Variants in SLC6A9 observed in about 807,000 individuals in gnomAD.
SLC6A9 encodes solute carrier family 6 member 9.
A neutral mutation model predicts 70.9 loss-of-function variants in SLC6A9; 31 were observed. The observed-to-expected ratio is 0.44, with a 90% CI of 0.33 to 0.59. The LOEUF (loss-of-function observed/expected upper bound fraction) is 0.59, where lower values mean the gene tolerates loss of function less well. Among genes scored for constraint, SLC6A9 ranks in the 20% least tolerant of loss-of-function variants. The probability of loss-of-function intolerance (pLI) is 0.04; values close to 1 mark genes in which losing one functional copy is unlikely to be tolerated. For synonymous variants in SLC6A9, 310 were observed against 341.3 expected (o/e 0.91, Z 1.01); for missense variants, 631 against 845.2 (o/e 0.75, Z 3.14).
chr1:44,017,862 G>A (rs1368804079), intron 2 of SLC6A9, among the ~76,000 whole-genome samples: 1 of 152,282 alleles, frequency 6.6e-6, no homozygotes, highest in Non-Finnish European at 1.5e-5. Flanking sequence ...TGTGGAATAA[G>A]AACCCGTGAG....
chr1:44,020,226 G>A (rs1377415724), intron 2 of SLC6A9, among the ~76,000 whole-genome samples: 1 of 152,232 alleles, frequency 6.6e-6, no homozygotes, highest in Non-Finnish European at 1.5e-5. Flanking sequence ...CACCTGCTGT[G>A]TGTGAGAACC....
chr1:44,023,974 T>C (rs1197608015), intron 2 of SLC6A9, among the ~76,000 whole-genome samples: 1 of 152,272 alleles, frequency 6.6e-6, no homozygotes, highest in African/African-American at 2.4e-5. Context: ...CCTCTCAGCA[T>C]ATGAGTGGCC....
chr1:44,024,011 C>A (rs926146549), intron 2 of SLC6A9, among the ~76,000 whole-genome samples: 8 of 152,202 alleles, frequency 5.3e-5, no homozygotes, highest in African/African-American at 1.9e-4. Context: ...ACCTCTGTGA[C>A]AAGGATGGGG....
rs1250439542 is a variant in SLC6A9, at chr1:44,013,793, T to C, written c.31-2911A>G. On this transcript the variant is annotated intron_variant, in intron 2 of 13. Transcript: ENST00000372310. The surrounding 1 kb of genome is among the most constrained non-coding windows in gnomAD (Gnocchi z 5.3). ...TCCAAAAAAAAATCCAGGCACTTTC[T>C]GGGTGTTCTAGTTCCCTTCCTTGTC... Among the ~76,000 whole-genome samples the C allele has an allele frequency of 6.6e-6, 1 of 152,214 alleles. No homozygotes were observed. The highest frequency in any genetic ancestry group is 1.9e-4 in the East Asian group (1 of 5,186).
chr1:44,016,855 C>T (rs1412217464), intron 2 of SLC6A9, among the ~76,000 whole-genome samples: 1 of 152,186 alleles, frequency 6.6e-6, no homozygotes, highest in African/African-American at 2.4e-5. Context: ...CCCCACCACA[C>T]AGCTAACTCT....
intron 2 of SLC6A9, chr1:44,016,558 G>A (rs1424137450): frequency 6.3e-6 from 1 of 158,442 alleles, no homozygotes; most frequent in Admixed American, 6.5e-5. Context: ...CCTGGAAAAT[G>A]TTCTGTGGGG....
chr1:44,008,526 C>T lies in SLC6A9; in HGVS notation c.417G>A (p.Thr139=), dbSNP rs144161106. ...IAFYYFFSSM[T]HVLPWAYCNN... is the part of the protein sequence containing the mutation. Reference sequence around the variant, plus strand: ...TGCAGTAGGCCCAGGGCAGCACGTGCGTCATGGACGAGAAGAAGTAGTAGA... The same window carrying T: ...TGCAGTAGGCCCAGGGCAGCACGTGTGTCATGGACGAGAAGAAGTAGTAGA... The change falls in exon 5 of 14, where the codon ACG becomes ACA. Residue 139 remains threonine (T), a synonymous_variant. Transcript: ENST00000372310. 23 of 1,614,078 alleles carry T rather than the reference C, an allele frequency of 1.4e-5. No individual in the cohort carries two copies. Among genetic ancestry groups the T allele is most frequent in the East Asian group, 4.5e-5 (2 of 44,864 alleles).
intron 5 of SLC6A9, 48 bp downstream of exon 5, chr1:44,008,305 A>G (rs2086395466): frequency 1.9e-6 from 3 of 1,594,302 alleles, no homozygotes; most frequent in Non-Finnish European, 2.6e-6. Flanking sequence ...CAGTGGGGAC[A>G]GGGTTGCCAC....
chr1:44,028,183 T>C (rs1393681794), intron 1 of SLC6A9, among the ~76,000 whole-genome samples: 1 of 151,918 alleles, frequency 6.6e-6, no homozygotes, highest in Non-Finnish European at 1.5e-5. Flanking sequence ...GTCAAGCAAA[T>C]GGAACAATAT....
intron 4 of SLC6A9, among the ~76,000 whole-genome samples, chr1:44,009,265 G>C (rs1311880975): frequency 6.6e-6 from 1 of 151,048 alleles, no homozygotes; most frequent in Non-Finnish European, 1.5e-5. Flanking sequence ...TGTCGCCCAG[G>C]CTGGAGTGCT....
intron 2 of SLC6A9, 114 bp from the exon 3 acceptor site, chr1:44,010,996 T>TC: frequency 9.1e-7 from 1 of 1,098,914 alleles, no homozygotes; most frequent in Non-Finnish European, 1.3e-6. Flanking sequence ...TCCCCGGGCT[T>TC]CCCCTCTGCT....
intron 2 of SLC6A9, among the ~76,000 whole-genome samples, chr1:44,011,350 C>T (rs1315413199): frequency 6.6e-6 from 1 of 152,176 alleles, no homozygotes; most frequent in Non-Finnish European, 1.5e-5. Flanking sequence ...GCACGCTGCC[C>T]CTGGGCAGGC....
chr1:44,002,560 G>A lies in SLC6A9; in HGVS notation c.810C>T (p.Gly270=), dbSNP rs1371307006. The A allele has an allele frequency of 1.9e-6, 3 of 1,613,992 alleles. No homozygotes were observed. The South Asian group carries it at 3.3e-5, about 18-fold the overall frequency. Residue 270 remains glycine (G), a synonymous_variant, in exon 7 of 14, where the codon GGC becomes GGT. Coordinates refer to ENST00000372310, the MANE Select transcript of SLC6A9 (RefSeq NM_001024845.3). The surrounding 1 kb of genome is among the most constrained non-coding windows in gnomAD (Gnocchi z 5.5). ...RGVTLEGAFD[G]IMYYLTPQWD... ...ACTGCGGGGTTAGGTAGTACATGAT[G>A]CCGTCAAAGGCTCCCTCCAGGGTCA...
chr1:44,024,216 G>T, intron 2 of SLC6A9, 32 bp downstream of exon 2: 5 of 1,611,196 alleles, frequency 3.1e-6, no homozygotes, highest in Non-Finnish European at 4.2e-6. Context: ...TGGGACTCCC[G>T]TTCCTTCCCG....
chr1:44,002,660 G>T lies in SLC6A9; in HGVS notation c.724-14C>A. Reference sequence around the variant, plus strand: ...GAAGTACACCACCTGGCACAAGAGGGCTCCATGGACTCTTCTGGGCTCTCC... The same window carrying T: ...GAAGTACACCACCTGGCACAAGAGGTCTCCATGGACTCTTCTGGGCTCTCC... On this transcript the variant is annotated splice_polypyrimidine_tract_variant and intron_variant, in intron 6 of 13. Coordinates refer to ENST00000372310, the MANE Select transcript of SLC6A9 (RefSeq NM_001024845.3). The surrounding 1 kb of genome is among the most constrained non-coding windows in gnomAD (Gnocchi z 5.5). The T allele has an allele frequency of 6.2e-7, 1 of 1,613,548 alleles. No homozygotes were observed. The highest frequency in any genetic ancestry group is 8.5e-7 in the Non-Finnish European group (1 of 1,179,548).
At chr1:44,011,624 A>G in intron 2 of SLC6A9, 2 of 1,614,094 alleles carry the variant, frequency 1.2e-6, no homozygotes, top group Non-Finnish European at 1.7e-6. Flanking sequence ...TGTAGGCCCC[A>G]TGCCAGACTT....
chr1:44,030,373 CG>C (rs1390750665), intron 1 of SLC6A9: 5 of 152,402 alleles, frequency 3.3e-5, no homozygotes, highest in African/African-American at 1.2e-4. Context: ...GCCCCGCCCC[CG>C]GGCCGGCACC....
At chr1:44,022,592 T>C (rs941038655) in intron 2 of SLC6A9, among the ~76,000 whole-genome samples, 4 of 151,910 alleles carry the variant, frequency 2.6e-5, no homozygotes, top group East Asian at 3.9e-4. Flanking sequence ...GGCCTGAGGG[T>C]TGGGGCCAGG....
chr1:44,019,412 T>C (rs1036372388), intron 2 of SLC6A9, among the ~76,000 whole-genome samples: 12 of 152,386 alleles, frequency 7.9e-5, no homozygotes, highest in African/African-American at 2.6e-4. Flanking sequence ...CCGACTCAGC[T>C]GCTCACTGAG....
Sources: gnomAD v4.1 joint callset for allele counts (sites outside exome capture counted in the v4.1 genomes callset) on GRCh38, gnomAD v4.1.1 for gene constraint, Gnocchi (gnomAD v3.1) non-coding constraint, MANE v1.5 for transcripts, NCBI Gene and HGNC (gene_info 2026-07-23, HGNC 2026-07-21) for gene names.